SGK1: variants seen among roughly 807,000 people sequenced by gnomAD.
SGK1 encodes the protein serum/glucocorticoid regulated kinase 1, also known as serine/threonine-protein kinase Sgk1.
Under a neutral mutation model 64.2 loss-of-function variants are expected in SGK1, and 26 were observed. The observed-to-expected ratio is 0.40, with a 90% confidence interval of 0.30 to 0.56. The LOEUF (loss-of-function observed/expected upper bound fraction) is 0.56, where lower values mean the gene tolerates loss of function less well. SGK1 is among the 20% of genes least tolerant of loss of function. The probability of loss-of-function intolerance (pLI) is 0.38; values close to 1 mark genes in which losing one functional copy is unlikely to be tolerated. For missense variants in SGK1, 519 were observed against 645.6 expected (o/e 0.80, Z 2.12); for synonymous variants, 265 against 239.7 (o/e 1.11, Z -0.98).
rs771204086 is a variant in SGK1 at position 134,232,411 on chromosome 6, A to AAGAAAAGAAAGAAAGAGAG, written c.286-24981_286-24980insCTCTCTTTCTTTCTTTTCT. Among the ~76,000 whole-genome samples, 14 of 30,282 alleles carry AAGAAAAGAAAGAAAGAGAG rather than the reference A, an allele frequency of 4.6e-4. 2 individuals carry two copies. The highest frequency in any genetic ancestry group is 8.0e-4 in the African/African-American group (8 of 10,038). The allele number at this position is 30,282 out of a possible 152,430, so 19.9% of individuals were successfully genotyped here. ...AAAAAAGAAAGAAGAAAAAGAAAGA[A>AAGAAAAGAAAGAAAGAGAG]AGAGAAAGAAAGAAAGAAAGAAAGA... is the stretch of plus-strand genomic sequence containing the variant. On this transcript the variant is annotated intron_variant, in intron 2 of 13. Transcript: ENST00000367858.
intron 2 of SGK1, among the ~76,000 whole-genome samples, chr6:134,232,413 G>GAAAAGAAAGAAAGAGAGAGAGAGAGAA (rs79009962): frequency 2.1e-5 from 1 of 47,706 alleles, no homozygotes; most frequent in African/African-American, 8.0e-5. Context: ...AAGAAAGAAA[G>GAAAAGAAAGAAAGAGAGAGAGAGAGAA]AGAAAGAAAG....
intron 3 of SGK1, among the ~76,000 whole-genome samples, chr6:134,198,164 A>G (rs1309954382): frequency 6.6e-6 from 1 of 152,182 alleles, no homozygotes; most frequent in Non-Finnish European, 1.5e-5. Context: ...GAGACTTTGG[A>G]ATTCTTCACT....
At chr6:134,189,223 T>TGTGTGTGTGTGTGTGTGC (rs751805559) in intron 3 of SGK1, among the ~76,000 whole-genome samples, 3 of 149,822 alleles carry the variant, frequency 2.0e-5, no homozygotes, top group African/African-American at 7.6e-5. Context: ...TGTGTGTGTG[T>TGTGTGTGTGTGTGTGTGC]GTGTGCGTGT....
chr6:134,210,147 G>A (rs185507448), intron 2 of SGK1, among the ~76,000 whole-genome samples: 15 of 152,238 alleles, frequency 9.9e-5, no homozygotes, highest in South Asian at 4.1e-4. Context: ...GCCAAGATGA[G>A]GAAGCAACCT....
chr6:134,307,871 T>C (rs1777557391), intron 1 of SGK1, among the ~76,000 whole-genome samples: 2 of 152,198 alleles, frequency 1.3e-5, no homozygotes, highest in African/African-American at 4.8e-5. Flanking sequence ...ATGGTAGCTC[T>C]TCCCCAAGAC....
In SGK1 at chr6:134,169,363, G is replaced by C. The variant is rs1385871358; in HGVS notation, c.*905C>G. ...ACGTATTATAACCATGTTAATTACA[G>C]TACATTAAAATGGTGGTTTACATTA... On this transcript the variant is annotated 3_prime_UTR_variant, in exon 14 of 14. Coordinates refer to ENST00000367858, the MANE Select transcript of SGK1 (RefSeq NM_001143676.3). The C allele has an allele frequency of 6.6e-6, 1 of 152,514 alleles. No homozygotes were observed. The highest frequency in any genetic ancestry group is 1.5e-5 in the Non-Finnish European group (1 of 68,030). The allele number at this position is 152,514 out of a possible 1,614,324, so 9.4% of individuals were successfully genotyped here.
chr6:134,297,743 A>C (rs773769670), intron 1 of SGK1: 12 of 472,452 alleles, frequency 2.5e-5, no homozygotes, highest in Non-Finnish European at 4.7e-5. Flanking sequence ...CCTCGTGATC[A>C]GCCTGCCTCG....
At chr6:134,271,701 T>G (rs1381262622) in intron 1 of SGK1, among the ~76,000 whole-genome samples, 1 of 147,850 alleles carries the variant, frequency 6.8e-6, no homozygotes, top group Non-Finnish European at 1.5e-5. Context: ...ACAGATTATT[T>G]CATCACCCAG....
At chr6:134,214,337 T>A (rs1374071919) in intron 2 of SGK1, among the ~76,000 whole-genome samples, 1 of 152,198 alleles carries the variant, frequency 6.6e-6, no homozygotes, top group Non-Finnish European at 1.5e-5. Context: ...ACGCCTGTAA[T>A]CTCAGCAATT....
At chr6:134,206,377 ATATATATTTTTT>A (rs1775782598) in intron 3 of SGK1, among the ~76,000 whole-genome samples, 1 of 4,158 alleles carries the variant, frequency 2.4e-4, no homozygotes, top group African/African-American at 6.5e-4. Context: ...ATATATATAT[ATATATATTTTTT>A]TTTTTTTTTT....
At chr6:134,300,308 A>G (rs1777428523) in intron 1 of SGK1, among the ~76,000 whole-genome samples, 2 of 151,538 alleles carry the variant, frequency 1.3e-5, no homozygotes, top group African/African-American at 4.8e-5. Flanking sequence ...GGAGGCCGAG[A>G]CGGGCAGATC....
intron 2 of SGK1, among the ~76,000 whole-genome samples, chr6:134,221,715 C>G (rs1277809304): frequency 1.3e-5 from 2 of 151,644 alleles, no homozygotes; most frequent in Non-Finnish European, 2.9e-5. Flanking sequence ...TGCAGAGGCA[C>G]AGTCTGTGCT....
intron 2 of SGK1, among the ~76,000 whole-genome samples, chr6:134,247,327 G>A (rs1434265633): frequency 6.6e-6 from 1 of 152,178 alleles, no homozygotes; most frequent in African/African-American, 2.4e-5. Flanking sequence ...GATTTCCCCA[G>A]GATGAGGTTA....
intron 2 of SGK1, among the ~76,000 whole-genome samples, chr6:134,243,513 G>A (rs1005460360): frequency 6.6e-6 from 1 of 152,052 alleles, no homozygotes; most frequent in Non-Finnish European, 1.5e-5. Context: ...GGGATTACAG[G>A]CATGTGGCAA....
rs1452677551 is a variant in SGK1 at position 134,207,337 on chromosome 6, T to A, written c.361+19A>T. 2.0e-6 allele frequency: 3 copies of A among 1,525,098 alleles called. No individual in the cohort carries two copies. Among genetic ancestry groups the A allele is most frequent in the Non-Finnish European group, 2.7e-6 (3 of 1,100,606 alleles). 94.5% of individuals were successfully genotyped at this position (1,525,098 alleles called of 1,614,324 possible). ...ATCCTGTACATAACAGGAAACAGGTTGTATTTTTCCAATAATACCTGGATC... is the reference window on the plus strand; with the variant it reads ...ATCCTGTACATAACAGGAAACAGGTAGTATTTTTCCAATAATACCTGGATC... On this transcript the variant is annotated intron_variant, in intron 3 of 13. Transcript: ENST00000367858.
chr6:134,237,902 A>G lies in SGK1; in HGVS notation c.285+24031T>C, dbSNP rs1012647123. 3.3e-5 allele frequency among the ~76,000 whole-genome samples: 5 copies of G among 152,342 alleles called. No homozygotes were observed. The South Asian group carries it at 1.0e-3, about 32-fold the overall frequency. ...GCAAGCCCATAGGATTTAAATTAGA[A>G]TAAACTTGTCCTTGAGAATAATATA... On this transcript the variant is annotated intron_variant, in intron 2 of 13. Transcript: ENST00000367858.
In SGK1 at chr6:134,202,190, C is replaced by G. The variant is rs556793329; in HGVS notation, c.361+5166G>C. Reference sequence around the variant, plus strand: ...ACTCTACAGGCCAGAAGACAAGAACCAATATCTTTAAAGTTATGAAAGAAA... The same window carrying G: ...ACTCTACAGGCCAGAAGACAAGAACGAATATCTTTAAAGTTATGAAAGAAA... On this transcript the variant is annotated intron_variant, in intron 3 of 13. Coordinates refer to ENST00000367858, the MANE Select transcript of SGK1 (RefSeq NM_001143676.3). 6.1e-4 allele frequency among the ~76,000 whole-genome samples: 93 copies of G among 152,088 alleles called. 2 individuals are homozygous for G. The highest frequency in any genetic ancestry group is 1.6e-4 in the Non-Finnish European group (11 of 68,008).
At chr6:134,271,538 G>A (rs1039636145) in intron 1 of SGK1, among the ~76,000 whole-genome samples, 23 of 147,448 alleles carry the variant, frequency 1.6e-4, no homozygotes, top group African/African-American at 5.4e-4. Context: ...TATCCTGTCC[G>A]TCAAAATCCA....
intron 1 of SGK1, among the ~76,000 whole-genome samples, chr6:134,268,566 C>A (rs1257700379): frequency 1.5e-5 from 2 of 132,610 alleles, no homozygotes; most frequent in East Asian, 7.0e-4. Context: ...ACTAAAAATA[C>A]AAAAAAAATT....
Sources: gnomAD v4.1 joint callset for allele counts (sites outside exome capture counted in the v4.1 genomes callset) on GRCh38, gnomAD v4.1.1 for gene constraint, MANE v1.5 for transcripts, NCBI Gene and HGNC (gene_info 2026-07-23, HGNC 2026-07-21) for gene names.